The following ESRRG variants were observed in gnomAD, a reference collection of about 807,000 sequenced individuals.
The protein encoded by ESRRG is estrogen related receptor gamma.
A neutral mutation model predicts 44.0 loss-of-function variants in ESRRG; 13 were observed. The observed-to-expected ratio is 0.30, with a 90% CI of 0.19 to 0.47. The LOEUF is 0.47. Among genes scored for constraint, ESRRG ranks in the 20% least tolerant of loss-of-function variants. ESRRG has a pLI of 1.00. For synonymous variants in ESRRG, 215 were observed against 214.6 expected, an observed-to-expected ratio of 1.00 and a Z score of -0.02; for missense variants, 395 against 580.6, an observed-to-expected ratio of 0.68 and a Z score of 3.29.
At chr1:216,950,257 A>G (rs2150064875) in intron 1 of ESRRG, among the ~76,000 whole-genome samples, 1 of 152,340 alleles carries the variant, frequency 6.6e-6, no homozygotes, top group Non-Finnish European at 1.5e-5. Flanking sequence ...TGTTGAATGA[A>G]CTACTAGAGA....
intron 1 of ESRRG, chr1:216,715,268 T>C (rs1317792509): frequency 1.0e-6 from 1 of 984,112 alleles, no homozygotes; most frequent in African/African-American, 1.7e-5. Flanking sequence ...AAAAGGGATG[T>C]TTCCGTCATT....
intron 1 of ESRRG, among the ~76,000 whole-genome samples, chr1:216,680,246 C>T (rs1234439225): frequency 6.6e-6 from 1 of 152,180 alleles, no homozygotes; most frequent in Non-Finnish European, 1.5e-5. Flanking sequence ...ACAAATATTA[C>T]CTCATTGAAT....
chr1:216,707,349 T>A, intron 1 of ESRRG: 1 of 1,535,594 alleles, frequency 6.5e-7, no homozygotes, highest in Middle Eastern at 1.7e-4. Context: ...AGAAAAATAA[T>A]CGGGCCCACC....
Position 216,878,869 on chromosome 1 carries a change from C to A in ESRRG, c.-14+60713G>T, listed in dbSNP as rs1014389277. Among the ~76,000 whole-genome samples the A allele has an allele frequency of 7.2e-5, 11 of 152,260 alleles. No homozygotes were observed. The East Asian group carries it at 2.1e-3, about 29-fold the overall frequency. Reference sequence around the variant, plus strand: ...GATAAATGGCTAGGAGATCTTTATTCTTCCACATAAGTTTCAGATTTACGC... The same window carrying A: ...GATAAATGGCTAGGAGATCTTTATTATTCCACATAAGTTTCAGATTTACGC... On this transcript the variant is annotated intron_variant, in intron 2 of 7. Coordinates refer to the ESRRG transcript ENST00000359162.
intron 1 of ESRRG, among the ~76,000 whole-genome samples, chr1:216,993,118 T>G (rs2818768): frequency 0.18 from 26,952 of 152,184 alleles, 2,710 homozygotes; most frequent in East Asian, 0.43. Flanking sequence ...TTAGTAGAAA[T>G]TCAACAAGTA....
intron 2 of ESRRG, among the ~76,000 whole-genome samples, chr1:216,860,143 T>C (rs1448599447): frequency 6.6e-6 from 1 of 152,126 alleles, no homozygotes; most frequent in Non-Finnish European, 1.5e-5. Context: ...CACATGTCTG[T>C]AATCCCAGCT....
At chr1:216,759,173 C>G (rs1482044267) in intron 2 of ESRRG, among the ~76,000 whole-genome samples, 1 of 152,058 alleles carries the variant, frequency 6.6e-6, no homozygotes, top group Non-Finnish European at 1.5e-5. Flanking sequence ...AGTTTTTGTA[C>G]CTCTGCCAGA....
chr1:216,615,402 C>G (rs1393727328), intron 3 of ESRRG, among the ~76,000 whole-genome samples: 1 of 152,198 alleles, frequency 6.6e-6, no homozygotes, highest in African/African-American at 2.4e-5. Context: ...TTAGTCTACT[C>G]ACCCTGGTCT....
chr1:216,830,286 G>T (rs1476775682), intron 2 of ESRRG, among the ~76,000 whole-genome samples: 1 of 152,172 alleles, frequency 6.6e-6, no homozygotes, highest in African/African-American at 2.4e-5. Flanking sequence ...CAATTTGGTA[G>T]ATTTCATCAA....
At chr1:216,927,166 A>C (rs2062701692) in intron 2 of ESRRG, among the ~76,000 whole-genome samples, 1 of 151,544 alleles carries the variant, frequency 6.6e-6, no homozygotes, top group South Asian at 2.1e-4. Flanking sequence ...TTTTATAGAC[A>C]CTCCTCTCTT....
intron 2 of ESRRG, among the ~76,000 whole-genome samples, chr1:216,857,465 T>G (rs1358005028): frequency 6.6e-6 from 1 of 151,948 alleles, no homozygotes; most frequent in Admixed American, 6.6e-5. Flanking sequence ...ACTTCAACAC[T>G]CCTATTGCCT....
At chr1:216,999,303 G>T (rs909113783) in intron 1 of ESRRG, among the ~76,000 whole-genome samples, 4 of 152,158 alleles carry the variant, frequency 2.6e-5, no homozygotes, top group African/African-American at 7.2e-5. Flanking sequence ...TGTATGTAAA[G>T]ATATTGTTGT....
chr1:217,098,416 A>G (rs2092457340), intron 1 of ESRRG, among the ~76,000 whole-genome samples: 2 of 152,212 alleles, frequency 1.3e-5, no homozygotes, highest in Admixed American at 1.3e-4. Context: ...TGCCCAATTT[A>G]TAGATGATAA....
At chr1:217,117,759 G>A (rs959420877) in intron 1 of ESRRG, among the ~76,000 whole-genome samples, 1 of 152,008 alleles carries the variant, frequency 6.6e-6, no homozygotes, top group African/African-American at 2.4e-5. Context: ...TTACCAAACT[G>A]AGGTCCTTAA....
At chr1:216,948,515 CCTAATATTAG>C (rs1225932427) in intron 1 of ESRRG, among the ~76,000 whole-genome samples, 1 of 150,340 alleles carries the variant, frequency 6.7e-6, no homozygotes, top group East Asian at 2.0e-4. Flanking sequence ...AAACAGGGGA[CCTAATATTAG>C]CTAATATTAG....
chr1:217,023,866 C>A (rs552597873), intron 1 of ESRRG, among the ~76,000 whole-genome samples: 39 of 152,292 alleles, frequency 2.6e-4, no homozygotes, highest in African/African-American at 9.4e-4. Flanking sequence ...TAACTAGTTC[C>A]AGATCAGTCT....
At chr1:217,026,912 C>CACAGAGAGAGAGAGAG (rs1255637839) in intron 1 of ESRRG, among the ~76,000 whole-genome samples, 3 of 93,412 alleles carry the variant, frequency 3.2e-5, no homozygotes, top group African/African-American at 1.2e-4. Context: ...CACACACACA[C>CACAGAGAGAGAGAGAG]AGAGAGAGAG....
At chr1:216,707,474 C>A (rs2082687271) in intron 1 of ESRRG, 1 of 1,533,322 alleles carries the variant, frequency 6.5e-7, no homozygotes, top group Non-Finnish European at 8.7e-7. Context: ...ATGATGGGAA[C>A]TTTACATCAG....
chr1:217,104,979 T>C (rs949436958), intron 1 of ESRRG, among the ~76,000 whole-genome samples: 11 of 150,968 alleles, frequency 7.3e-5, no homozygotes, highest in African/African-American at 2.7e-4. Flanking sequence ...GCTAATCATG[T>C]TCTGTGTGAA....
Sources: gnomAD v4.1 joint callset for allele counts (sites outside exome capture counted in the v4.1 genomes callset) on GRCh38, gnomAD v4.1.1 for gene constraint, MANE v1.5 for transcripts, NCBI Gene and HGNC (gene_info 2026-07-23, HGNC 2026-07-21) for gene names.